The following MAD1L1 variants were observed in gnomAD, a reference collection of about 807,000 sequenced individuals.
MAD1L1 encodes mitotic spindle assembly checkpoint protein MAD1.
Under a neutral mutation model 96.9 loss-of-function variants are expected in MAD1L1, and 95 were observed. That is an observed-to-expected ratio of 0.98 (90% CI 0.83 to 1.16). The LOEUF is 1.16. Among genes scored for constraint, MAD1L1 ranks in the 50% most tolerant of loss-of-function variants. MAD1L1 has a pLI of 0.00. For synonymous variants in MAD1L1, 473 were observed against 396.6 expected (o/e 1.19, Z -2.29); for missense variants, 1,007 against 954.4 (o/e 1.06, Z -0.73).
intron 14 of MAD1L1, among the ~76,000 whole-genome samples, chr7:1,996,646 C>A (rs1325396588): frequency 1.4e-4 from 22 of 152,222 alleles, no homozygotes; most frequent in Non-Finnish European, 1.5e-5. Flanking sequence ...GCAGCCTGTC[C>A]GGGCCTCAGT....
At position 2,222,609 on chromosome 7, in the gene MAD1L1, CGCAGCCTCTT is replaced by C; in HGVS notation, c.427_436del (p.Lys143ValfsTer17). On this transcript the variant is annotated frameshift_variant, in exon 5 of 19. Coordinates refer to ENST00000265854, the MANE Select transcript of MAD1L1 (RefSeq NM_001013836.2). LOFTEE classifies it high-confidence loss of function. Reference sequence around the variant, plus strand: ...CTGGGCCAGACTGTCCTCTTTCTCACGCAGCCTCTTGCTGGCAGCATCCAAGTTCTGCTGA... The same window carrying C: ...CTGGGCCAGACTGTCCTCTTTCTCACGCTGGCAGCATCCAAGTTCTGCTGA... 6.2e-7 allele frequency: 1 copy of C among 1,612,020 alleles called. No individual in the cohort carries two copies. The highest frequency in any genetic ancestry group is 8.5e-7 in the Non-Finnish European group (1 of 1,179,332).
intron 18 of MAD1L1, among the ~76,000 whole-genome samples, chr7:1,871,921 G>A (rs1301933215): frequency 2.0e-5 from 3 of 152,206 alleles, no homozygotes; most frequent in Admixed American, 1.3e-4. Context: ...TGAGAAGAGA[G>A]GGGGCAGAAC....
chr7:1,985,401 G>A (rs1781093408), intron 14 of MAD1L1, among the ~76,000 whole-genome samples: 1 of 152,246 alleles, frequency 6.6e-6, no homozygotes, highest in Non-Finnish European at 1.5e-5. Context: ...CAGGTCTGCT[G>A]TGCACAGATG....
intron 18 of MAD1L1, among the ~76,000 whole-genome samples, chr7:1,826,975 T>C (rs1170785995): frequency 4.6e-5 from 7 of 151,990 alleles, no homozygotes; most frequent in African/African-American, 1.5e-4. Flanking sequence ...TTATTATTAT[T>C]ATTCTATTTA....
At chr7:1,970,331 C>CTTTTTT (rs34240381) in intron 15 of MAD1L1, among the ~76,000 whole-genome samples, 4 of 116,514 alleles carry the variant, frequency 3.4e-5, no homozygotes, top group Admixed American at 9.0e-5. Flanking sequence ...TTAATTTTTA[C>CTTTTTT]TTTTTTTTTT....
intron 18 of MAD1L1, among the ~76,000 whole-genome samples, chr7:1,824,519 T>C (rs1782289420): frequency 6.6e-6 from 1 of 152,114 alleles, no homozygotes; most frequent in Non-Finnish European, 1.5e-5. Flanking sequence ...CCTGGCGCCA[T>C]CGGATGGCCT....
At chr7:2,116,612 G>A (rs1233900763) in intron 11 of MAD1L1, among the ~76,000 whole-genome samples, 1 of 151,698 alleles carries the variant, frequency 6.6e-6, no homozygotes. Flanking sequence ...TGCAGGAGGT[G>A]GCGGTCAGCG....
chr7:1,816,079 G>T lies in MAD1L1; in HGVS notation c.2148C>A (p.Thr716=). ...SLTLELFSRQ[T]VA Reference sequence around the variant, plus strand: ...CCCCCGAGCCTGCAGGCTACGCCACGGTCTGGCGGCTGAAGAGCTCGAGGG... The same window carrying T: ...CCCCCGAGCCTGCAGGCTACGCCACTGTCTGGCGGCTGAAGAGCTCGAGGG... The change falls in exon 19 of 19, where the codon ACC becomes ACA. Residue 716 remains threonine (T), a synonymous_variant. Coordinates refer to ENST00000265854, the MANE Select transcript of MAD1L1 (RefSeq NM_001013836.2). 6.2e-7 allele frequency: 1 copy of T among 1,610,398 alleles called. No homozygotes were observed. The highest frequency in any genetic ancestry group is 1.1e-5 in the South Asian group (1 of 90,890).
chr7:2,011,288 G>A (rs967245934), intron 13 of MAD1L1, among the ~76,000 whole-genome samples: 3 of 152,202 alleles, frequency 2.0e-5, no homozygotes, highest in African/African-American at 4.8e-5. Flanking sequence ...GGGGCTCCCT[G>A]TGCACAGAGG....
chr7:1,840,879 C>A (rs1229625858), intron 18 of MAD1L1, among the ~76,000 whole-genome samples: 1 of 152,258 alleles, frequency 6.6e-6, no homozygotes, highest in African/African-American at 2.4e-5. Flanking sequence ...CATGCCCCAG[C>A]CCTGACTCGG....
intron 12 of MAD1L1, among the ~76,000 whole-genome samples, chr7:2,034,217 T>C (rs1783360590): frequency 6.9e-6 from 1 of 143,908 alleles, no homozygotes; most frequent in Non-Finnish European, 1.5e-5. Context: ...CAATAAAGAG[T>C]CTCCTTTTTT....
At chr7:2,137,052 T>G (rs1788786251) in intron 11 of MAD1L1, among the ~76,000 whole-genome samples, 1 of 152,172 alleles carries the variant, frequency 6.6e-6, no homozygotes, top group Admixed American at 6.5e-5. Context: ...TAGCAGCTCC[T>G]GGCAGCCCTG....
At chr7:1,891,153 C>T (rs1786513641) in intron 18 of MAD1L1, among the ~76,000 whole-genome samples, 1 of 152,200 alleles carries the variant, frequency 6.6e-6, no homozygotes, top group Admixed American at 6.5e-5. Flanking sequence ...ATTTCTTCTT[C>T]CCAGGAAGGC....
At chr7:2,135,654 C>T (rs886765327) in intron 11 of MAD1L1, among the ~76,000 whole-genome samples, 1 of 152,234 alleles carries the variant, frequency 6.6e-6, no homozygotes, top group Non-Finnish European at 1.5e-5. Flanking sequence ...TCCGGGCCTC[C>T]TGCCCCCCAG....
At chr7:2,076,473 G>A (rs1785379131) in intron 11 of MAD1L1, among the ~76,000 whole-genome samples, 1 of 152,256 alleles carries the variant, frequency 6.6e-6, no homozygotes, top group Non-Finnish European at 1.5e-5. Context: ...CCACAGCTGT[G>A]AGAAACGGAC....
intron 18 of MAD1L1, among the ~76,000 whole-genome samples, chr7:1,886,941 T>C (rs10950422): frequency 0.53 from 80,715 of 152,266 alleles, 22,785 homozygotes; most frequent in African/African-American, 0.72. Flanking sequence ...TCTCACACAG[T>C]CCTGCCCCGC....
intron 18 of MAD1L1, among the ~76,000 whole-genome samples, chr7:1,891,953 G>C (rs1333273674): frequency 6.6e-6 from 1 of 152,110 alleles, no homozygotes; most frequent in Non-Finnish European, 1.5e-5. Context: ...GGCATTTATA[G>C]TCTCCAGTTG....
intron 17 of MAD1L1, among the ~76,000 whole-genome samples, chr7:1,928,413 GC>G (rs1289757358): frequency 6.7e-6 from 1 of 149,854 alleles, no homozygotes; most frequent in East Asian, 2.0e-4. Flanking sequence ...CGACAGAATT[GC>G]CACACTTGAC....
intron 11 of MAD1L1, among the ~76,000 whole-genome samples, chr7:2,097,510 C>T (rs547583898): frequency 8.5e-5 from 13 of 152,254 alleles, no homozygotes; most frequent in African/African-American, 3.1e-4. Context: ...GGCCGAGGAA[C>T]AATGGGTCCG....
Sources: gnomAD v4.1 joint callset for allele counts (sites outside exome capture counted in the v4.1 genomes callset) on GRCh38, gnomAD v4.1.1 for gene constraint, MANE v1.5 for transcripts, NCBI Gene and HGNC (gene_info 2026-07-23, HGNC 2026-07-21) for gene names.